MBP: variants seen among roughly 807,000 people sequenced by gnomAD.
MBP encodes the protein Golli-MBP.
Under a neutral mutation model 35.8 loss-of-function variants are expected in MBP, and 16 were observed. The observed-to-expected ratio is 0.45, with a 90% confidence interval of 0.30 to 0.68. The LOEUF is 0.68. MBP is among the 30% of genes least tolerant of loss of function. The pLI, the probability that MBP is intolerant of heterozygous loss-of-function variation, is 0.08. For missense variants in MBP, 380 were observed against 404.7 expected (o/e 0.94, Z 0.52); for synonymous variants, 143 against 159.6 (o/e 0.90, Z 0.78).
chr18:77,048,909 G>A (rs1489203950), intron 3 of MBP, among the ~76,000 whole-genome samples: 1 of 151,864 alleles, frequency 6.6e-6, no homozygotes, highest in Non-Finnish European at 1.5e-5. Flanking sequence ...ACGAGGGCAG[G>A]GTTTTTTTTT....
intron 4 of MBP, among the ~76,000 whole-genome samples, chr18:76,994,616 T>C (rs1488602948): frequency 1.3e-5 from 2 of 152,242 alleles, no homozygotes; most frequent in African/African-American, 4.8e-5. Flanking sequence ...TATTGATCAC[T>C]ACACTGGTGA....
At chr18:77,064,738 C>T (rs554889945) in intron 3 of MBP, among the ~76,000 whole-genome samples, 1 of 152,302 alleles carries the variant, frequency 6.6e-6, no homozygotes, top group East Asian at 1.9e-4. Context: ...AAGCAAAGAT[C>T]ATGCTAGGGA....
intron 3 of MBP, among the ~76,000 whole-genome samples, chr18:77,024,798 C>T (rs1478679594): frequency 1.3e-5 from 2 of 152,240 alleles, no homozygotes; most frequent in African/African-American, 4.8e-5. Flanking sequence ...TCCAGCAAGT[C>T]GCTGAGCCCA....
In MBP at chr18:76,986,479, T is replaced by G. The variant is rs547508658; in HGVS notation, c.751-1585A>C. 734 of 985,502 alleles carry G rather than the reference T, an allele frequency of 7.4e-4. 1 individual carries two copies. Among genetic ancestry groups the G allele is most frequent in the Non-Finnish European group, 8.6e-4 (711 of 829,954 alleles). The allele number at this position is 985,502 out of a possible 1,614,324, so 61.0% of individuals were successfully genotyped here. A position where few individuals can be genotyped will look rare whatever the true frequency, so the allele number is the denominator to read the frequency against. On this transcript the variant is annotated intron_variant, in intron 7 of 8. Coordinates refer to ENST00000355994, the MANE Select transcript of MBP (RefSeq NM_001025101.2). ...GGGGGCTTCCCACCATACAAGCTAC[T>G]TGCACAGTTTTCTTTTCATTCAGCC...
chr18:77,016,076 G>A (rs1971607178), intron 4 of MBP: 1 of 984,986 alleles, frequency 1.0e-6, no homozygotes. Flanking sequence ...CCAGCGCTTT[G>A]ATGAACCAGC....
chr18:77,123,230 A>C (rs1851745804), intron 1 of MBP, among the ~76,000 whole-genome samples: 1 of 152,244 alleles, frequency 6.6e-6, no homozygotes, highest in Admixed American at 6.5e-5. Context: ...GCTTTCAACC[A>C]TACAAGAAAG....
intron 2 of MBP, among the ~76,000 whole-genome samples, chr18:77,074,159 T>C (rs552107611): frequency 8.5e-5 from 13 of 152,156 alleles, no homozygotes; most frequent in African/African-American, 3.1e-4. Flanking sequence ...TCCTTGGAGG[T>C]AGACAGTGCC....
rs996895734 is a variant in MBP at position 77,062,513 on chromosome 18, A to G, written c.139+3785T>C. On this transcript the variant is annotated intron_variant, in intron 3 of 8. Transcript: ENST00000355994. ...TTAAGCATAACCAGAAAGCTGTCGA[A>G]AAAAAAAAAACAAATCACAGAAGAT... 3.9e-4 allele frequency among the ~76,000 whole-genome samples: 20 copies of G among 50,782 alleles called. No individual in the cohort carries two copies. The African/African-American group carries it at 4.0e-3, about 10-fold the overall frequency. 33.3% of individuals were successfully genotyped at this position (50,782 alleles called of 152,430 possible).
In MBP at chr18:77,031,605, T is replaced by C. The variant is rs1163792907; in HGVS notation, c.140-14337A>G. ...TGTTCTGTAAGTGAGCTCCTTGATGTCTTTAACACTGGGTGTGCTGACATA... is the reference window on the plus strand; with the variant it reads ...TGTTCTGTAAGTGAGCTCCTTGATGCCTTTAACACTGGGTGTGCTGACATA... On this transcript the variant is annotated intron_variant, in intron 3 of 8. Coordinates refer to ENST00000355994, the MANE Select transcript of MBP (RefSeq NM_001025101.2). Among the ~76,000 whole-genome samples the C allele has an allele frequency of 2.0e-5, 3 of 152,370 alleles. No homozygotes were observed. The East Asian group carries it at 5.8e-4, about 29-fold the overall frequency.
At chr18:77,002,448 T>C (rs1330893474) in intron 4 of MBP, among the ~76,000 whole-genome samples, 1 of 152,230 alleles carries the variant, frequency 6.6e-6, no homozygotes, top group Non-Finnish European at 1.5e-5. Context: ...GGGATTTCCT[T>C]ATGGGCATTG....
chr18:77,120,417 G>C (rs967817166), intron 1 of MBP, among the ~76,000 whole-genome samples: 1 of 152,206 alleles, frequency 6.6e-6, no homozygotes, highest in African/African-American at 2.4e-5. Flanking sequence ...GCACTGACCC[G>C]GGACAAAGAC....
chr18:77,071,771 C>A (rs1489067537), intron 2 of MBP, among the ~76,000 whole-genome samples: 1 of 152,122 alleles, frequency 6.6e-6, no homozygotes, highest in Admixed American at 6.5e-5. Context: ...TTGGGTGCTT[C>A]AAAAATAAAG....
chr18:76,998,460 C>T (rs1422530338), intron 4 of MBP, among the ~76,000 whole-genome samples: 1 of 152,218 alleles, frequency 6.6e-6, no homozygotes, highest in African/African-American at 2.4e-5. Context: ...CTCTAGTTCT[C>T]AGTCACCTTT....
chr18:77,128,253 G>A (rs1977120637), intron 1 of MBP, among the ~76,000 whole-genome samples: 1 of 152,172 alleles, frequency 6.6e-6, no homozygotes, highest in South Asian at 2.1e-4. Context: ...GGGTCTCAAG[G>A]GAATTGCGTT....
chr18:77,129,727 A>C, intron 1 of MBP, among the ~76,000 whole-genome samples: 1 of 152,126 alleles, frequency 6.6e-6, no homozygotes, highest in Non-Finnish European at 1.5e-5. Context: ...CTTATTTAAA[A>C]TTATCCCAAG....
At chr18:77,013,350 C>A (rs60084519) in intron 4 of MBP, 1 of 985,404 alleles carries the variant, frequency 1.0e-6, no homozygotes, top group Non-Finnish European at 1.2e-6. Context: ...TGCTGCCTTC[C>A]GTGCTGTCTA....
At chr18:77,117,061 T>C (rs766679339) in intron 1 of MBP, among the ~76,000 whole-genome samples, 1 of 152,132 alleles carries the variant, frequency 6.6e-6, no homozygotes, top group Non-Finnish European at 1.5e-5. Context: ...GGAAAAGACC[T>C]CCTTCAAAAG....
At chr18:77,097,012 C>A (rs76619859) in intron 2 of MBP, among the ~76,000 whole-genome samples, 1,825 of 152,212 alleles carry the variant, frequency 0.012, 40 homozygotes, top group African/African-American at 0.04. Context: ...CACTACAAAC[C>A]CCTCCTTTGG....
intron 4 of MBP, among the ~76,000 whole-genome samples, chr18:77,007,001 C>T (rs76816679): frequency 1.5e-4 from 23 of 152,246 alleles, no homozygotes; most frequent in Admixed American, 1.2e-3. Context: ...GTTCAGCTCG[C>T]GTTTCTCAGC....
Sources: gnomAD v4.1 joint callset for allele counts (sites outside exome capture counted in the v4.1 genomes callset) on GRCh38, gnomAD v4.1.1 for gene constraint, MANE v1.5 for transcripts, NCBI Gene and HGNC (gene_info 2026-07-23, HGNC 2026-07-21) for gene names.